The following EBAG9 variants were observed in gnomAD, a reference collection of about 807,000 sequenced individuals.
EBAG9 encodes the protein receptor-binding cancer antigen expressed on SiSo cells.
A neutral mutation model predicts 30.9 loss-of-function variants in EBAG9; 16 were observed. The ratio of observed to expected loss-of-function variants is 0.52; its 90% CI spans 0.35 to 0.79. The LOEUF (loss-of-function observed/expected upper bound fraction) is 0.79. Ranked by LOEUF, EBAG9 falls within the 30% of genes least tolerant of loss-of-function variation. The pLI, the probability that EBAG9 is intolerant of heterozygous loss-of-function variation, is 0.01. For synonymous variants in EBAG9, 93 were observed against 82.8 expected (o/e 1.12, Z -0.67); for missense variants, 197 against 242.1 (o/e 0.81, Z 1.24).
At chr8:109,564,012 A>G (rs556923736) in intron 6 of EBAG9, among the ~76,000 whole-genome samples, 1 of 152,076 alleles carries the variant, frequency 6.6e-6, no homozygotes, top group African/African-American at 2.4e-5. Context: ...TGTAACTACT[A>G]TAATAACAGG....
chr8:109,563,341 G>C, intron 6 of EBAG9: 1 of 1,576,150 alleles, frequency 6.3e-7, no homozygotes, highest in Non-Finnish European at 8.6e-7. Flanking sequence ...GTGACCTGTA[G>C]CTTCCTTCCT....
chr8:109,559,283 C>T (rs1023527929), intron 5 of EBAG9, among the ~76,000 whole-genome samples: 2 of 151,952 alleles, frequency 1.3e-5, no homozygotes, highest in Admixed American at 6.6e-5. Flanking sequence ...ATGGCGAAAT[C>T]CCCCCTCTAC....
At chr8:109,542,301 AC>A (rs989192058) in intron 1 of EBAG9, among the ~76,000 whole-genome samples, 15 of 152,156 alleles carry the variant, frequency 9.9e-5, no homozygotes, top group Non-Finnish European at 1.8e-4. Context: ...GAAAAAAAAA[AC>A]AACCTTTAAA....
intron 3 of EBAG9, among the ~76,000 whole-genome samples, chr8:109,554,326 A>C (rs1215074520): frequency 1.3e-5 from 2 of 152,144 alleles, no homozygotes; most frequent in Non-Finnish European, 2.9e-5. Context: ...GAACATTTTG[A>C]ATACTATGTT....
intron 6 of EBAG9, among the ~76,000 whole-genome samples, chr8:109,561,890 C>CT (rs397942472): frequency 0.11 from 12,872 of 118,412 alleles, 1,666 homozygotes; most frequent in African/African-American, 0.31. Context: ...ATATCAAGCC[C>CT]TTTTTTTTTT....
chr8:109,548,873 T>C (rs1256430545), intron 1 of EBAG9, among the ~76,000 whole-genome samples: 1 of 149,952 alleles, frequency 6.7e-6, no homozygotes, highest in African/African-American at 2.5e-5. Context: ...TTCTTTTCTA[T>C]TTTTTTCTTT....
upstream of EBAG9, chr8:109,539,789 G>C (rs577425690): frequency 6.6e-6 from 1 of 152,274 alleles, no homozygotes; most frequent in Non-Finnish European, 1.5e-5. Context: ...GAATGAGCGG[G>C]GCTGGGAGTG....
At position 109,554,762 on chromosome 8, in the gene EBAG9, G is replaced by T. The variant is rs1289430471; in HGVS notation, c.196G>T (p.Asp66Tyr). The change falls in exon 4 of 7, where the codon GAT (aspartate) becomes TAT (tyrosine). Residue 66 changes from aspartate to tyrosine, a missense_variant. Asp to Tyr is a radical substitution (Grantham distance 160). Coordinates refer to ENST00000337573, the MANE Select transcript of EBAG9 (RefSeq NM_004215.5). ...DVEEWTSWDE[D>Y]APTSVKIEGG... is the part of the protein sequence containing the mutation. ...TGAAGAGTGGACTTCCTGGGATGAA[G>T]ATGCACCCACCAGTGTAAAGATCGA... 1.2e-6 allele frequency: 2 copies of T among 1,613,532 alleles called. No individual in the cohort carries two copies. Among genetic ancestry groups the T allele is most frequent in the South Asian group, 2.2e-5 (2 of 91,026 alleles).
At chr8:109,561,020 A>C in intron 6 of EBAG9, 91 bp downstream of exon 6, 3 of 1,065,964 alleles carry the variant, frequency 2.8e-6, no homozygotes, top group South Asian at 1.6e-5. Context: ...ATTTTGCCAA[A>C]TATTATATTT....
In EBAG9 at chr8:109,565,073, G is replaced by A. The variant is rs1821799630; in HGVS notation, c.*514G>A. On this transcript the variant is annotated 3_prime_UTR_variant, in exon 7 of 7. Coordinates refer to ENST00000337573, the MANE Select transcript of EBAG9 (RefSeq NM_004215.5). ...CATACATTCCCTCTAATTTGAACTG[G>A]TATTGTTTACGTTTGATACAACATT... 6.6e-6 allele frequency: 1 copy of A among 152,168 alleles called. No individual in the cohort carries two copies. The highest frequency in any genetic ancestry group is 1.5e-5 in the Non-Finnish European group (1 of 67,864). The allele number at this position is 152,168 out of a possible 1,614,324, so 9.4% of individuals were successfully genotyped here.
intron 5 of EBAG9, among the ~76,000 whole-genome samples, chr8:109,559,568 T>G (rs1341622883): frequency 6.6e-6 from 1 of 151,994 alleles, no homozygotes; most frequent in East Asian, 1.9e-4. Context: ...TCCCAGCAAT[T>G]TGGGAAATTG....
chr8:109,543,762 A>T (rs1400515969), intron 1 of EBAG9, among the ~76,000 whole-genome samples: 3 of 152,094 alleles, frequency 2.0e-5, no homozygotes, highest in Non-Finnish European at 2.9e-5. Flanking sequence ...TGGGCATGGT[A>T]GCTCACACCT....
chr8:109,557,009 A>G lies in EBAG9; in HGVS notation c.396A>G (p.Ala132=), dbSNP rs938024160. Residue 132 remains alanine (A), a synonymous_variant, in exon 5 of 7, where the codon GCA becomes GCG. Transcript: ENST00000337573. ...DGSTGFSSRL[A]ATQDLPFIHQ... ...GCACAGGTTTCTCTAGTAGATTAGC[A>G]GCTACACAAGATCTGCCTTTTATTC... 1.2e-6 allele frequency: 2 copies of G among 1,607,544 alleles called. No homozygotes were observed. The highest frequency in any genetic ancestry group is 1.3e-5 in the African/African-American group (1 of 74,754).
chr8:109,563,421 C>T (rs1821747316), intron 6 of EBAG9: 2 of 1,597,528 alleles, frequency 1.3e-6, no homozygotes, highest in Admixed American at 1.7e-5. Context: ...TATGTTTACT[C>T]TGCTCTCTCC....
chr8:109,547,736 T>A (rs1451014470), intron 1 of EBAG9, among the ~76,000 whole-genome samples: 1 of 152,184 alleles, frequency 6.6e-6, no homozygotes, highest in African/African-American at 2.4e-5. Context: ...CGCCTCGGCC[T>A]CCCAAAGTGC....
At chr8:109,551,812 A>AGT (rs920359784) in intron 2 of EBAG9, among the ~76,000 whole-genome samples, 13 of 152,228 alleles carry the variant, frequency 8.5e-5, no homozygotes, top group Non-Finnish European at 1.2e-4. Context: ...GAAGCTGTGC[A>AGT]GTGTTCAACA....
chr8:109,551,011 A>T, intron 2 of EBAG9, 104 bp downstream of exon 2: 1 of 682,558 alleles, frequency 1.5e-6, no homozygotes, highest in Non-Finnish European at 2.5e-6. Flanking sequence ...ATTTAAGCTG[A>T]ATATCTTGAT....
At chr8:109,543,281 G>C (rs1205459347) in intron 1 of EBAG9, among the ~76,000 whole-genome samples, 1 of 150,734 alleles carries the variant, frequency 6.6e-6, no homozygotes, top group Non-Finnish European at 1.5e-5. Flanking sequence ...AACTACTTGA[G>C]TATTGCTAAG....
chr8:109,563,915 G>C (rs1384601487), intron 6 of EBAG9, among the ~76,000 whole-genome samples: 1 of 152,010 alleles, frequency 6.6e-6, no homozygotes, highest in East Asian at 1.9e-4. Flanking sequence ...TTTACTTGGT[G>C]GAAGGTGTAT....
Sources: allele counts gnomAD v4.1 joint callset (sites outside exome capture counted in the v4.1 genomes callset), GRCh38; gene constraint gnomAD v4.1.1; transcripts MANE v1.5; gene names NCBI Gene and HGNC (gene_info 2026-07-23, HGNC 2026-07-21).